DOCK3: variants seen among roughly 807,000 people sequenced by gnomAD.
DOCK3 encodes dedicator of cytokinesis protein 3.
Under a neutral mutation model 265.6 loss-of-function variants are expected in DOCK3, and 60 were observed. The ratio of observed to expected loss-of-function variants is 0.23; its 90% CI spans 0.18 to 0.28. The LOEUF is 0.28. Among genes scored for constraint, DOCK3 ranks in the 10% least tolerant of loss-of-function variants. The pLI is 1.00. For missense variants in DOCK3, 1,981 were observed against 2,594.3 expected (o/e 0.76, Z 5.14); for synonymous variants, 881 against 938.0 (o/e 0.94, Z 1.11).
intron 5 of DOCK3, among the ~76,000 whole-genome samples, chr3:51,015,949 TATTTTCTATATA>T (rs2079178224): frequency 1.6e-5 from 1 of 61,336 alleles, no homozygotes; most frequent in South Asian, 5.4e-4. Context: ...ATATATATCA[TATTTTCTATATA>T]ATATATGATA....
chr3:51,005,395 G>A (rs1433647339), intron 5 of DOCK3, among the ~76,000 whole-genome samples: 1 of 151,924 alleles, frequency 6.6e-6, no homozygotes, highest in Non-Finnish European at 1.5e-5. Context: ...GTCCCCTCTC[G>A]CCATTATCAC....
intron 9 of DOCK3, among the ~76,000 whole-genome samples, chr3:51,125,690 T>A (rs1328583508): frequency 3.9e-5 from 6 of 152,202 alleles, no homozygotes; most frequent in African/African-American, 1.4e-4. Flanking sequence ...TAGAGGAGTA[T>A]GTATGTTACA....
chr3:51,273,574 C>T (rs1232260501), intron 24 of DOCK3, among the ~76,000 whole-genome samples: 2 of 152,182 alleles, frequency 1.3e-5, no homozygotes, highest in African/African-American at 4.8e-5. Context: ...TTTTCATCTA[C>T]ATAGTGCAGT....
rs2090365442 is a variant in DOCK3 at position 51,227,225 on chromosome 3, CAG to C, written c.1378-56_1378-55del. 4 of 1,587,154 alleles carry C rather than the reference CAG, an allele frequency of 2.5e-6. No individual in the cohort carries two copies. The East Asian group carries it at 9.0e-5, about 36-fold the overall frequency. On this transcript the variant is annotated intron_variant, in intron 15 of 52. Coordinates refer to ENST00000266037, the MANE Select transcript of DOCK3 (RefSeq NM_004947.5). ...GAGAAAGAAAAGTGTCCTAGTGACA[CAG>C]AAATCCAGACATTCCTACCAGGAAG...
intron 27 of DOCK3, among the ~76,000 whole-genome samples, chr3:51,304,012 G>A (rs1277879111): frequency 2.0e-5 from 3 of 152,228 alleles, no homozygotes; most frequent in Non-Finnish European, 4.4e-5. Flanking sequence ...GCTAGCAGGG[G>A]GAAAGACTAA....
chr3:51,287,648 G>A (rs749774049), intron 27 of DOCK3, among the ~76,000 whole-genome samples: 1 of 152,198 alleles, frequency 6.6e-6, no homozygotes, highest in East Asian at 1.9e-4. Flanking sequence ...AAATGCTGGT[G>A]AGGTTGCAGA....
rs1363517559 is a variant in DOCK3, at chr3:51,275,083, C to G, written c.2553C>G (p.Ser851=). 6.2e-7 allele frequency: 1 copy of G among 1,613,938 alleles called. No homozygotes were observed. Among genetic ancestry groups the G allele is most frequent in the Admixed American group, 1.7e-5 (1 of 60,012 alleles). The part of the protein sequence containing the change: ...VDSRLFSFSE[S]RRILLPVVLH... ...CCTTTGTATTTTCTCTCCCAGAATC[C>G]CGCCGCATCCTGCTTCCTGTGGTTC... Residue 851 remains serine (S), a synonymous_variant, in exon 25 of 53, where the codon TCC becomes TCG. Coordinates refer to ENST00000266037, the MANE Select transcript of DOCK3 (RefSeq NM_004947.5).
chr3:50,982,110 A>G (rs2077716378), intron 5 of DOCK3, among the ~76,000 whole-genome samples: 2 of 152,178 alleles, frequency 1.3e-5, no homozygotes, highest in South Asian at 4.2e-4. Flanking sequence ...CTGCCTCCCA[A>G]AGTGCTGGGA....
At chr3:50,694,642 C>G (rs1221040297) in intron 1 of DOCK3, among the ~76,000 whole-genome samples, 1 of 151,994 alleles carries the variant, frequency 6.6e-6, no homozygotes, top group Non-Finnish European at 1.5e-5. Context: ...AACTCTGTCT[C>G]TACTAAAAAA....
intron 1 of DOCK3, among the ~76,000 whole-genome samples, chr3:50,690,887 C>T (rs1472565726): frequency 6.6e-6 from 1 of 151,804 alleles, no homozygotes; most frequent in Non-Finnish European, 1.5e-5. Flanking sequence ...GTGATCCACC[C>T]ACCTCGGCTT....
rs1453994549 is a variant in DOCK3 at position 51,312,033 on chromosome 3, C to A, written c.3047C>A (p.Ser1016Tyr). The change falls in exon 29 of 53, where the codon TCC becomes TAC. Residue 1016 changes from serine to tyrosine, a missense_variant. Physicochemically the swap from Ser to Tyr is moderately radical, Grantham distance 144. Around this residue, in one of 4 missense-constraint regions of DOCK3, gnomAD observed 1,357 missense variants for 1,866.8 expected, o/e 0.73. Transcript: ENST00000266037. ...ATAGTCACTACTGTCCAGTACCTGT[C>A]CTCTGCACTGCACAAGAATTTCACA... is the stretch of plus-strand genomic sequence containing the variant. The part of the protein sequence containing the change: ...NIIVTTVQYL[S>Y]SALHKNFTET... 1 of 1,606,698 alleles carries A rather than the reference C, an allele frequency of 6.2e-7. No homozygotes were observed. The highest frequency in any genetic ancestry group is 8.5e-7 in the Non-Finnish European group (1 of 1,176,360).
intron 4 of DOCK3, chr3:50,901,552 C>A: frequency 2.2e-6 from 1 of 446,824 alleles, no homozygotes; most frequent in South Asian, 1.6e-5. Context: ...TCAGTGTCTG[C>A]CCAAATGGTC....
intron 5 of DOCK3, among the ~76,000 whole-genome samples, chr3:50,984,514 AT>A (rs1364706785): frequency 6.6e-6 from 1 of 151,980 alleles, no homozygotes; most frequent in Non-Finnish European, 1.5e-5. Flanking sequence ...TTTGGCTGGC[AT>A]TTTTTTCTTT....
intron 32 of DOCK3, among the ~76,000 whole-genome samples, chr3:51,318,343 C>A (rs945302804): frequency 2.6e-5 from 4 of 152,136 alleles, no homozygotes; most frequent in Non-Finnish European, 5.9e-5. Context: ...CGCACCACTG[C>A]TCACCAGTCT....
chr3:51,193,878 CTTTT>C (rs933604434), intron 12 of DOCK3, among the ~76,000 whole-genome samples: 3 of 118,174 alleles, frequency 2.5e-5, no homozygotes, highest in Admixed American at 8.9e-5. Context: ...ACCAGCTTTT[CTTTT>C]TGTTGATCCT....
rs142480042 is a variant in DOCK3 at position 50,921,558 on chromosome 3, G to A, written c.219-12423G>A. Among the ~76,000 whole-genome samples, 16 of 152,214 alleles carry A rather than the reference G, an allele frequency of 1.1e-4. No homozygotes were observed. In the East Asian group the frequency reaches 2.5e-3, roughly 24 times the overall value. ...GTCTCAAACCTTCTTCTCTCAACTC[G>A]TCAAAGTCATTCTCCATCCAGCTTT... On this transcript the variant is annotated intron_variant, in intron 4 of 52. Coordinates refer to ENST00000266037, the MANE Select transcript of DOCK3 (RefSeq NM_004947.5).
At chr3:51,344,375 C>T (rs35162360) in intron 38 of DOCK3, among the ~76,000 whole-genome samples, 3 of 152,210 alleles carry the variant, frequency 2.0e-5, no homozygotes, top group Admixed American at 6.5e-5. Flanking sequence ...AATCCCAACA[C>T]TTCGGGAGGC....
In DOCK3 at chr3:50,702,550, G is replaced by A. The variant is rs534550435; in HGVS notation, c.37+27250G>A. Among the ~76,000 whole-genome samples, 401 of 151,996 alleles carry A rather than the reference G, an allele frequency of 2.6e-3. 3 individuals carry two copies. The highest frequency in any genetic ancestry group is 5.8e-3 in the South Asian group (28 of 4,816). On this transcript the variant is annotated intron_variant, in intron 1 of 52. Coordinates refer to ENST00000266037, the MANE Select transcript of DOCK3 (RefSeq NM_004947.5). ...AGCTAATTTTTTTTTGGTATTTTTA[G>A]TAGAGATGGGGTTTCACCATGTTGG... is the stretch of plus-strand genomic sequence containing the variant.
intron 2 of DOCK3, among the ~76,000 whole-genome samples, chr3:50,784,813 G>C (rs2042102276): frequency 6.6e-6 from 1 of 152,092 alleles, no homozygotes; most frequent in Non-Finnish European, 1.5e-5. Flanking sequence ...TTGATTCTTA[G>C]CCTGGTGGCT....
Sources: allele counts gnomAD v4.1 joint callset (sites outside exome capture counted in the v4.1 genomes callset), GRCh38; gene constraint gnomAD v4.1.1; regional missense constraint gnomAD v4.1.1; transcripts MANE v1.5; gene names NCBI Gene and HGNC (gene_info 2026-07-23, HGNC 2026-07-21).